The following CHP1 variants were observed in gnomAD, a reference collection of about 807,000 sequenced individuals.
The protein encoded by CHP1 is calcineurin like EF-hand protein 1.
Under a neutral mutation model 27.4 loss-of-function variants are expected in CHP1, and 11 were observed. That is an observed-to-expected ratio of 0.40 (90% confidence interval 0.25 to 0.67). The LOEUF is 0.67. Ranked by LOEUF, CHP1 falls within the 30% of genes least tolerant of loss-of-function variation. The pLI, the probability that CHP1 is intolerant of heterozygous loss-of-function variation, is 0.38. For synonymous variants in CHP1, 89 were observed against 87.4 expected (o/e 1.02, Z -0.10); for missense variants, 169 against 251.3 (o/e 0.67, Z 2.22).
chr15:41,267,902 C>G (rs1235310544), intron 4 of CHP1, among the ~76,000 whole-genome samples: 1 of 144,000 alleles, frequency 6.9e-6, no homozygotes, highest in Non-Finnish European at 1.5e-5. Context: ...CCACTGCACT[C>G]CAGTGACAGA....
chr15:41,252,180 CT>C (rs796681229), intron 2 of CHP1, among the ~76,000 whole-genome samples: 121 of 143,430 alleles, frequency 8.4e-4, no homozygotes, highest in Middle Eastern at 3.7e-3. Flanking sequence ...ATTTTCTTTT[CT>C]TTTTTTTTTT....
In CHP1 at chr15:41,280,744, C is replaced by T. The variant is rs1451428823; in HGVS notation, c.*1355C>T. On this transcript the variant is annotated 3_prime_UTR_variant, in exon 7 of 7. Transcript: ENST00000334660. ...GCCAGGCTGGTCTCGAACTCCTGAC[C>T]TCGTGATCCGCCTGCCTCAGCCTCC... 1.3e-5 allele frequency: 2 copies of T among 151,506 alleles called. No homozygotes were observed. Among genetic ancestry groups the T allele is most frequent in the Non-Finnish European group, 1.5e-5 (1 of 68,018 alleles). The allele number at this position is 151,506 out of a possible 1,614,324, so 9.4% of individuals were successfully genotyped here.
At chr15:41,259,192 A>G (rs1235253689) in intron 3 of CHP1, among the ~76,000 whole-genome samples, 1 of 152,172 alleles carries the variant, frequency 6.6e-6, no homozygotes, top group East Asian at 1.9e-4. Context: ...TTTGTATCCA[A>G]ACCTTTTGCA....
At chr15:41,233,351 A>G (rs948831030) in intron 1 of CHP1, among the ~76,000 whole-genome samples, 2 of 152,212 alleles carry the variant, frequency 1.3e-5, no homozygotes, top group Admixed American at 6.5e-5. Flanking sequence ...TTGCTTCAGA[A>G]TGAAGGGAGC....
At chr15:41,245,438 G>C (rs2047329631) in intron 2 of CHP1, among the ~76,000 whole-genome samples, 1 of 152,184 alleles carries the variant, frequency 6.6e-6, no homozygotes, top group Non-Finnish European at 1.5e-5. Flanking sequence ...CCCAGATTGT[G>C]CTGCTGTATT....
chr15:41,262,791 C>G lies in CHP1; in HGVS notation c.257C>G (p.Thr86Ser). ...DQVNFRGFMR[T>S]LAHFRPIEDN... ...GTAAACTTCCGTGGATTCATGCGAA[C>G]TTTGGCTCATTTCCGCCCCATTGAG... Residue 86 changes from threonine (T) to serine (S), a missense_variant, in exon 4 of 7, where the codon ACT becomes AGT. By Grantham distance (58) the Thr-to-Ser change is moderately conservative (BLOSUM62 1). Coordinates refer to ENST00000334660, the MANE Select transcript of CHP1 (RefSeq NM_007236.5). 3.1e-6 allele frequency: 5 copies of G among 1,613,410 alleles called. No homozygotes were observed. The highest frequency in any genetic ancestry group is 4.2e-6 in the Non-Finnish European group (5 of 1,179,986).
chr15:41,269,045 C>T (rs1265439821), intron 4 of CHP1, among the ~76,000 whole-genome samples: 1 of 151,840 alleles, frequency 6.6e-6, no homozygotes, highest in Non-Finnish European at 1.5e-5. Flanking sequence ...CCTAGCTCTA[C>T]AAAAATTTTT....
intron 4 of CHP1, chr15:41,264,291 C>G (rs1029176714): frequency 2.0e-6 from 2 of 1,001,264 alleles, no homozygotes; most frequent in South Asian, 1.5e-5. Context: ...GTGCGAGTGC[C>G]GAGGAGATTA....
At chr15:41,262,608 G>A (rs1354940323) in intron 3 of CHP1, 148 bp from the exon 4 acceptor site, 1 of 964,904 alleles carries the variant, frequency 1.0e-6, no homozygotes, top group Non-Finnish European at 1.6e-6. Flanking sequence ...ATGGTACTGT[G>A]AGTCCCAAAG....
intron 2 of CHP1, among the ~76,000 whole-genome samples, chr15:41,244,134 G>A (rs1418857097): frequency 1.3e-5 from 2 of 150,336 alleles, no homozygotes; most frequent in African/African-American, 2.5e-5. Flanking sequence ...GGAGGCAGAG[G>A]TCGCAGTGAG....
In CHP1 at chr15:41,279,461, C is replaced by T; in HGVS notation, c.*72C>T. 1.6e-6 allele frequency: 2 copies of T among 1,236,420 alleles called. No homozygotes were observed. Among genetic ancestry groups the T allele is most frequent in the Non-Finnish European group, 2.4e-6 (2 of 843,538 alleles). The allele number at this position is 1,236,420 out of a possible 1,614,324, so 76.6% of individuals were successfully genotyped here. A position where few individuals can be genotyped will look rare whatever the true frequency, so the allele number is the denominator to read the frequency against. ...TTGAAAGTCCTCCTTCTACCAACTC[C>T]ACCTCCACCCCCTCATTCCCCTTCT... On this transcript the variant is annotated 3_prime_UTR_variant, in exon 7 of 7. Coordinates refer to ENST00000334660, the MANE Select transcript of CHP1 (RefSeq NM_007236.5).
chr15:41,279,457 A>G lies in CHP1; in HGVS notation c.*68A>G. ...GAACTTGAAAGTCCTCCTTCTACCA[A>G]CTCCACCTCCACCCCCTCATTCCCC... is the stretch of plus-strand genomic sequence containing the variant. On this transcript the variant is annotated 3_prime_UTR_variant, in exon 7 of 7. Coordinates refer to ENST00000334660, the MANE Select transcript of CHP1 (RefSeq NM_007236.5). The G allele has an allele frequency of 1.6e-6, 2 of 1,286,886 alleles. No individual in the cohort carries two copies. The highest frequency in any genetic ancestry group is 2.2e-6 in the Non-Finnish European group (2 of 890,492). 79.7% of individuals were successfully genotyped at this position (1,286,886 alleles called of 1,614,324 possible). A position where few individuals can be genotyped will look rare whatever the true frequency, so the allele number is the denominator to read the frequency against.
chr15:41,233,158 C>T (rs1445105880), intron 1 of CHP1, among the ~76,000 whole-genome samples: 5 of 152,136 alleles, frequency 3.3e-5, no homozygotes, highest in Non-Finnish European at 5.9e-5. Context: ...CATTTTATTA[C>T]GTTTTGTGGC....
intron 2 of CHP1, among the ~76,000 whole-genome samples, chr15:41,245,496 C>T (rs2047330214): frequency 6.6e-6 from 1 of 152,098 alleles, no homozygotes. Flanking sequence ...AACAAACTGA[C>T]TTCTTCTACT....
At chr15:41,246,240 TG>T in intron 2 of CHP1, among the ~76,000 whole-genome samples, 1 of 152,206 alleles carries the variant, frequency 6.6e-6, no homozygotes, top group African/African-American at 2.4e-5. Flanking sequence ...TTGTAGAAAG[TG>T]GGTGGTTTCT....
chr15:41,247,449 C>T (rs1010271342), intron 2 of CHP1, among the ~76,000 whole-genome samples: 6 of 151,666 alleles, frequency 4.0e-5, no homozygotes, highest in South Asian at 4.2e-4. Flanking sequence ...ATGGGTGGAT[C>T]AGCTGAGGTC....
In CHP1 at chr15:41,262,745, T is replaced by C. The variant is rs1330929285; in HGVS notation, c.222-11T>C. On this transcript the variant is annotated splice_polypyrimidine_tract_variant and intron_variant, in intron 3 of 6. Transcript: ENST00000334660. ...TGACATGGTGTTGTGTTTGTTATAT[T>C]TCACAATCAGAGAGGACCAGGTAAA... The C allele has an allele frequency of 4.3e-6, 7 of 1,611,796 alleles. No individual in the cohort carries two copies. Among genetic ancestry groups the C allele is most frequent in the African/African-American group, 4.0e-5 (3 of 74,842 alleles).
At chr15:41,235,013 GT>G (rs1489926424) in intron 1 of CHP1, among the ~76,000 whole-genome samples, 1 of 152,054 alleles carries the variant, frequency 6.6e-6, no homozygotes, top group African/African-American at 2.4e-5. Context: ...CTGTTATGAT[GT>G]TTTAACAGGA....
intron 2 of CHP1, among the ~76,000 whole-genome samples, chr15:41,248,158 T>G (rs1207016579): frequency 1.3e-5 from 2 of 151,600 alleles, no homozygotes; most frequent in Non-Finnish European, 2.9e-5. Flanking sequence ...ATTTTTTTTT[T>G]TTTTGTAAGA....
Sources: allele counts gnomAD v4.1 joint callset (sites outside exome capture counted in the v4.1 genomes callset), GRCh38; gene constraint gnomAD v4.1.1; transcripts MANE v1.5; gene names NCBI Gene and HGNC (gene_info 2026-07-23, HGNC 2026-07-21).